NEMP2: variants seen among roughly 807,000 people sequenced by gnomAD.
NEMP2 encodes nuclear envelope integral membrane protein 2.
In NEMP2, 53 loss-of-function variants were observed where a neutral mutation model predicts 54.2. The ratio of observed to expected loss-of-function variants is 0.98; its 90% CI spans 0.78 to 1.23. The LOEUF (loss-of-function observed/expected upper bound fraction) is 1.23, where lower values mean the gene tolerates loss of function less well. Ranked by LOEUF, NEMP2 falls within the 50% of genes most tolerant of loss-of-function variation. The pLI, the probability that NEMP2 is intolerant of heterozygous loss-of-function variation, is 0.00. For missense variants in NEMP2, 455 were observed against 511.3 expected (o/e 0.89, Z 1.06); for synonymous variants, 197 against 190.3 (o/e 1.04, Z -0.29).
upstream of NEMP2, among the ~76,000 whole-genome samples, chr2:190,536,246 T>TC (rs1559173843): frequency 1.3e-5 from 2 of 152,014 alleles, no homozygotes; most frequent in Non-Finnish European, 2.9e-5. Flanking sequence ...TCTCCAAACT[T>TC]TTCTTCTGTA....
chr2:190,550,068 A>G, the NEMP2 span, among the ~76,000 whole-genome samples: 8 of 152,240 alleles, frequency 5.3e-5, no homozygotes, highest in Non-Finnish European at 1.0e-4. The surrounding 1 kb of genome is among the most constrained non-coding windows in gnomAD (Gnocchi z 4.7). Flanking sequence ...AGCTTTATTT[A>G]TACTACATTG....
the NEMP2 span, among the ~76,000 whole-genome samples, chr2:190,467,442 G>A: frequency 5.9e-5 from 9 of 152,048 alleles, no homozygotes; most frequent in Non-Finnish European, 1.2e-4. The surrounding 1 kb of genome is among the most constrained non-coding windows in gnomAD (Gnocchi z 5.5). Flanking sequence ...GCAAAACCTC[G>A]TCTCTACTAA....
At chr2:190,558,139 C>T in the NEMP2 span, among the ~76,000 whole-genome samples, 26 of 152,156 alleles carry the variant, frequency 1.7e-4, no homozygotes, top group Admixed American at 1.5e-3. The surrounding 1 kb of genome is among the most constrained non-coding windows in gnomAD (Gnocchi z 4.4). Flanking sequence ...AATACTATGA[C>T]GCCATAAAAA....
the NEMP2 span, among the ~76,000 whole-genome samples, chr2:190,568,503 A>G: frequency 6.6e-6 from 1 of 152,180 alleles, no homozygotes; most frequent in Admixed American, 6.5e-5. This position sits in a 1 kb window ranked among gnomAD's most constrained non-coding sequence, Gnocchi z 4.7. Flanking sequence ...TTTGAATAAT[A>G]TTTGTCATTT....
chr2:190,605,771 T>A, the NEMP2 span, among the ~76,000 whole-genome samples: 1 of 152,220 alleles, frequency 6.6e-6, no homozygotes, highest in Non-Finnish European at 1.5e-5. Flanking sequence ...CAAATTCAAA[T>A]GTCAGTTCTC....
At chr2:190,424,973 TGAG>T in the NEMP2 span, among the ~76,000 whole-genome samples, 121 of 152,356 alleles carry the variant, frequency 7.9e-4, no homozygotes, top group African/African-American at 2.7e-3. The surrounding 1 kb of genome is among the most constrained non-coding windows in gnomAD (Gnocchi z 5.9). Flanking sequence ...TATATCAATT[TGAG>T]GAGAATTGAA....
chr2:190,586,854 C>T, the NEMP2 span, among the ~76,000 whole-genome samples: 96 of 152,200 alleles, frequency 6.3e-4, no homozygotes, highest in Middle Eastern at 0.01. The surrounding 1 kb of genome is among the most constrained non-coding windows in gnomAD (Gnocchi z 4.5). Context: ...TTATCAATAG[C>T]GCTTGAATTT....
chr2:190,545,496 T>C, the NEMP2 span, among the ~76,000 whole-genome samples: 29 of 152,364 alleles, frequency 1.9e-4, no homozygotes, highest in African/African-American at 6.3e-4. Context: ...TAACTGCCTT[T>C]CTTAGTCGTT....
the NEMP2 span, among the ~76,000 whole-genome samples, chr2:190,541,130 GT>G: frequency 6.6e-6 from 1 of 151,462 alleles, no homozygotes; most frequent in African/African-American, 2.4e-5. This position sits in a 1 kb window ranked among gnomAD's most constrained non-coding sequence, Gnocchi z 5.2. Flanking sequence ...CTGGCTAAAA[GT>G]TTGTCGATTT....
chr2:190,517,722 A>T, intron 4 of NEMP2, 109 bp from the exon 5 acceptor site: 1 of 768,116 alleles, frequency 1.3e-6, no homozygotes, highest in Non-Finnish European at 2.2e-6. Flanking sequence ...AGAACAGAAA[A>T]CTCAGATGGC....
chr2:190,586,195 A>T, the NEMP2 span, among the ~76,000 whole-genome samples: 1 of 152,228 alleles, frequency 6.6e-6, no homozygotes, highest in African/African-American at 2.4e-5. The surrounding 1 kb of genome is among the most constrained non-coding windows in gnomAD (Gnocchi z 4.5). Context: ...CTTTTAAAAA[A>T]TACTGAAGAT....
chr2:190,642,288 A>C, the NEMP2 span, among the ~76,000 whole-genome samples: 32,088 of 152,202 alleles, frequency 0.21, 3,546 homozygotes, highest in Non-Finnish European at 0.25. The surrounding 1 kb of genome is among the most constrained non-coding windows in gnomAD (Gnocchi z 4.1). Context: ...TAAAGAAATA[A>C]GCAATTGGAA....
In NEMP2 at chr2:190,514,845, CCATAT is replaced by C. The variant is rs1230893052; in HGVS notation, c.728-172_728-168del. On this transcript the variant is annotated intron_variant, in intron 6 of 8. Coordinates refer to ENST00000409150, the MANE Select transcript of NEMP2 (RefSeq NM_001142645.2). The surrounding 1 kb of genome is among the most constrained non-coding windows in gnomAD (Gnocchi z 5.7). The stretch of plus-strand genomic sequence containing the variant: ...AAATGCACATAGGGTGTTATTCCTT[CCATAT>C]GAGATACTAGGCTGACTTTCGCAAT... Among the ~76,000 whole-genome samples, 1 of 152,120 alleles carries C rather than the reference CCATAT, an allele frequency of 6.6e-6. No individual in the cohort carries two copies. The highest frequency in any genetic ancestry group is 1.5e-5 in the Non-Finnish European group (1 of 68,018).
chr2:190,534,609 G>GGCGGCAGCCAGA lies in NEMP2; in HGVS notation c.35_46dup (p.Leu12_Pro15dup). On this transcript the variant is annotated inframe_insertion, in exon 1 of 9. Coordinates refer to ENST00000409150, the MANE Select transcript of NEMP2 (RefSeq NM_001142645.2). ...CCCGCGCACGGGCAGTGTGGCCAGG[G>GGCGGCAGCCAGA]GCGGCAGCCAGAGCAGCAGCCACCA... 2 of 1,389,566 alleles carry GGCGGCAGCCAGA rather than the reference G, an allele frequency of 1.4e-6. No homozygotes were observed. The highest frequency in any genetic ancestry group is 1.9e-6 in the Non-Finnish European group (2 of 1,075,134). 86.1% of individuals were successfully genotyped at this position (1,389,566 alleles called of 1,614,324 possible).
rs779047640 is a variant in NEMP2 at position 190,533,568 on chromosome 2, G to A, written c.97+991C>T. Among the ~76,000 whole-genome samples, 3 of 152,150 alleles carry A rather than the reference G, an allele frequency of 2.0e-5. No individual in the cohort carries two copies. The highest frequency in any genetic ancestry group is 6.5e-5 in the Admixed American group (1 of 15,282). On this transcript the variant is annotated intron_variant, in intron 1 of 8. Transcript: ENST00000409150. This position sits in a 1 kb window ranked among gnomAD's most constrained non-coding sequence, Gnocchi z 4.3. The stretch of plus-strand genomic sequence containing the variant: ...CACTGCAAGATTCCCTCAGTTGGGA[G>A]CTGTGGCAGAATCTGATAATGACCT...
At chr2:190,636,626 CA>C in the NEMP2 span, among the ~76,000 whole-genome samples, 1 of 152,208 alleles carries the variant, frequency 6.6e-6, no homozygotes, top group Non-Finnish European at 1.5e-5. Flanking sequence ...AGAAATTCTA[CA>C]AAGTTGCTCC....
the NEMP2 span, among the ~76,000 whole-genome samples, chr2:190,472,605 A>C: frequency 6.6e-6 from 1 of 152,222 alleles, no homozygotes; most frequent in Non-Finnish European, 1.5e-5. Flanking sequence ...CCAAATCTAC[A>C]TCTGATTGGT....
In NEMP2 at chr2:190,509,097, C is replaced by G. The variant is rs772891251; in HGVS notation, c.*92G>C. On this transcript the variant is annotated 3_prime_UTR_variant, in exon 9 of 9. Coordinates refer to ENST00000409150, the MANE Select transcript of NEMP2 (RefSeq NM_001142645.2). The surrounding 1 kb of genome is among the most constrained non-coding windows in gnomAD (Gnocchi z 6.1). ...TCTCCACAGCAAATGTTTTTGCCAC[C>G]GTTCACTAGAACAGTTCTGCCTAAC... The G allele has an allele frequency of 6.8e-7, 1 of 1,480,596 alleles. No homozygotes were observed. The highest frequency in any genetic ancestry group is 1.4e-5 in the African/African-American group (1 of 70,142). The allele number at this position is 1,480,596 out of a possible 1,614,324, so 91.7% of individuals were successfully genotyped here.
chr2:190,617,799 A>C, the NEMP2 span, among the ~76,000 whole-genome samples: 1 of 152,136 alleles, frequency 6.6e-6, no homozygotes, highest in Admixed American at 6.5e-5. This position sits in a 1 kb window ranked among gnomAD's most constrained non-coding sequence, Gnocchi z 5.0. Flanking sequence ...TAGGAATTGA[A>C]ATTTCTTTGG....
Sources: gnomAD v4.1 joint callset for allele counts (sites outside exome capture counted in the v4.1 genomes callset) on GRCh38, gnomAD v4.1.1 for gene constraint, Gnocchi (gnomAD v3.1) non-coding constraint, MANE v1.5 for transcripts, NCBI Gene and HGNC (gene_info 2026-07-23, HGNC 2026-07-21) for gene names.